The following SETBP1 variants were observed in gnomAD, a reference collection of about 807,000 sequenced individuals.
The protein encoded by SETBP1 is SET-binding protein.
In SETBP1, 9 loss-of-function variants were observed where a neutral mutation model predicts 101.0. The observed-to-expected ratio is 0.09, with a 90% CI of 0.05 to 0.16. SETBP1 has a LOEUF of 0.16. Among genes scored for constraint, SETBP1 ranks in the 10% least tolerant of loss-of-function variants. The probability of loss-of-function intolerance (pLI) is 1.00; values close to 1 mark genes in which losing one functional copy is unlikely to be tolerated. For missense variants in SETBP1, 1,858 were observed against 2,033.8 expected (o/e 0.91, Z 1.66); for synonymous variants, 818 against 788.5 (o/e 1.04, Z -0.63).
At chr18:45,048,163 C>T (rs527269623) in intron 5 of SETBP1, among the ~76,000 whole-genome samples, 6 of 152,308 alleles carry the variant, frequency 3.9e-5, no homozygotes, top group Non-Finnish European at 5.9e-5. Context: ...AGGGTTATTG[C>T]GGTGTCCTCA....
chr18:44,841,973 G>A (rs924646044), intron 2 of SETBP1, among the ~76,000 whole-genome samples: 6 of 152,224 alleles, frequency 3.9e-5, no homozygotes, highest in Non-Finnish European at 5.9e-5. Context: ...GATTTAGTGC[G>A]ACCTCACTTT....
intron 1 of SETBP1, among the ~76,000 whole-genome samples, chr18:44,694,811 A>C (rs1364929658): frequency 2.0e-5 from 3 of 152,238 alleles, no homozygotes; most frequent in Non-Finnish European, 4.4e-5. Context: ...CACTTAAAAC[A>C]AGGTAAAAGG....
At chr18:44,931,438 G>A (rs2070831541) in intron 3 of SETBP1, among the ~76,000 whole-genome samples, 1 of 152,294 alleles carries the variant, frequency 6.6e-6, no homozygotes, top group Admixed American at 6.5e-5. Context: ...GGAGACTTCT[G>A]TACATGTCTA....
chr18:44,951,745 T>C lies in SETBP1; in HGVS notation c.2405T>C (p.Leu802Ser). 6.2e-7 allele frequency: 1 copy of C among 1,614,124 alleles called. No homozygotes were observed. Reference protein sequence around the residue: ...PASTETNFSELKTMPNLQPIS... With the variant: ...PASTETNFSESKTMPNLQPIS... ...AGCACTGAAACCAATTTTTCAGAGT[T>C]GAAAACTATGCCAAATCTCCAGCCC... The change falls in exon 4 of 6, where the codon TTG becomes TCG. Residue 802 changes from leucine (L) to serine (S), a missense_variant. Leu to Ser is a moderately radical substitution (Grantham distance 145). Coordinates refer to ENST00000649279, the MANE Select transcript of SETBP1 (RefSeq NM_015559.3). This position sits in a 1 kb window ranked among gnomAD's most constrained non-coding sequence, Gnocchi z 7.8.
At chr18:44,927,919 G>A (rs1043097587) in intron 3 of SETBP1, among the ~76,000 whole-genome samples, 3 of 152,106 alleles carry the variant, frequency 2.0e-5, no homozygotes, top group African/African-American at 7.2e-5. Flanking sequence ...CTTCCAATGT[G>A]TTCTGTGATG....
intron 2 of SETBP1, among the ~76,000 whole-genome samples, chr18:44,710,631 T>A (rs1039862433): frequency 1.3e-5 from 2 of 152,086 alleles, no homozygotes; most frequent in East Asian, 3.9e-4. Context: ...TTTGTATTTT[T>A]AGTAGAGACG....
intron 2 of SETBP1, among the ~76,000 whole-genome samples, chr18:44,708,322 G>C (rs2069264636): frequency 6.6e-6 from 1 of 152,104 alleles, no homozygotes; most frequent in African/African-American, 2.4e-5. Flanking sequence ...TCAAACTCCT[G>C]GGAGTATGAG....
chr18:44,778,756 G>A (rs542295488), intron 2 of SETBP1, among the ~76,000 whole-genome samples: 11 of 152,334 alleles, frequency 7.2e-5, no homozygotes, highest in African/African-American at 2.6e-4. Context: ...CCTGCGGAAG[G>A]CTTCCATGGA....
At chr18:44,970,862 C>A (rs1390527889) in intron 4 of SETBP1, among the ~76,000 whole-genome samples, 2 of 151,556 alleles carry the variant, frequency 1.3e-5, no homozygotes, top group African/African-American at 2.4e-5. Flanking sequence ...GGCTTGTTTT[C>A]TTTTCTTTTT....
At chr18:44,943,894 G>A (rs1445800333) in intron 3 of SETBP1, among the ~76,000 whole-genome samples, 2 of 150,780 alleles carry the variant, frequency 1.3e-5, no homozygotes, top group East Asian at 2.0e-4. Context: ...CAGTACAGTG[G>A]TACGATCTCA....
At chr18:44,772,168 G>A (rs2070888581) in intron 2 of SETBP1, among the ~76,000 whole-genome samples, 2 of 152,122 alleles carry the variant, frequency 1.3e-5, no homozygotes, top group Non-Finnish European at 2.9e-5. Flanking sequence ...TGTGACCTGG[G>A]CTTTTCCAAA....
Position 44,701,311 on chromosome 18 carries a change from C to T in SETBP1, c.-36C>T, listed in dbSNP as rs886053787. 6.9e-7 allele frequency: 1 copy of T among 1,453,734 alleles called. No homozygotes were observed. Among genetic ancestry groups the T allele is most frequent in the African/African-American group, 1.4e-5 (1 of 69,852 alleles). 90.1% of individuals were successfully genotyped at this position (1,453,734 alleles called of 1,614,324 possible). A position where few individuals can be genotyped will look rare whatever the true frequency, so the allele number is the denominator to read the frequency against. On this transcript the variant is annotated 5_prime_UTR_variant, in exon 2 of 6. Transcript: ENST00000649279. Reference sequence around the variant, plus strand: ...TTTCCCTTTTCCCTTTTCCCCTTCCCCCTCCTGAGAACTCCGGAAGACTGT... The same window carrying T: ...TTTCCCTTTTCCCTTTTCCCCTTCCTCCTCCTGAGAACTCCGGAAGACTGT...
intron 4 of SETBP1, chr18:44,987,261 T>G (rs1272920542): frequency 6.6e-6 from 1 of 152,214 alleles, no homozygotes; most frequent in African/African-American, 2.4e-5. Context: ...TTAAAGCTCC[T>G]TCTCCAGAAG....
chr18:44,904,326 C>T (rs1228588833), intron 3 of SETBP1, among the ~76,000 whole-genome samples: 2 of 152,122 alleles, frequency 1.3e-5, no homozygotes, highest in African/African-American at 4.8e-5. Flanking sequence ...CTATTTGTTG[C>T]TCTATGCCTG....
At chr18:44,995,139 T>A (rs2072462972) in intron 4 of SETBP1, among the ~76,000 whole-genome samples, 1 of 105,744 alleles carries the variant, frequency 9.5e-6, no homozygotes. Flanking sequence ...TATTTACTTT[T>A]TTTTTTTTTT....
At chr18:44,932,434 G>A (rs1568224120) in intron 3 of SETBP1, among the ~76,000 whole-genome samples, 1 of 152,112 alleles carries the variant, frequency 6.6e-6, no homozygotes, top group Admixed American at 6.6e-5. Flanking sequence ...TGCTCTTCTC[G>A]AGGAGGATCT....
intron 3 of SETBP1, among the ~76,000 whole-genome samples, chr18:44,928,670 C>A (rs1202620487): frequency 6.6e-6 from 1 of 152,242 alleles, no homozygotes; most frequent in Non-Finnish European, 1.5e-5. Flanking sequence ...TTGCATTTCT[C>A]TGATGGCCAG....
At chr18:44,764,985 G>A (rs561349948) in intron 2 of SETBP1, among the ~76,000 whole-genome samples, 17 of 152,270 alleles carry the variant, frequency 1.1e-4, no homozygotes, top group Admixed American at 4.6e-4. Flanking sequence ...AATGATTTGT[G>A]AAGTAATCCC....
intron 2 of SETBP1, among the ~76,000 whole-genome samples, chr18:44,727,186 C>CTGTGTG (rs56695366): frequency 0.12 from 17,331 of 145,142 alleles, 1,267 homozygotes; most frequent in Non-Finnish European, 0.17. Context: ...TATTTGATCA[C>CTGTGTG]TGTGTGTGTG....
Sources: gnomAD v4.1 joint callset for allele counts (sites outside exome capture counted in the v4.1 genomes callset) on GRCh38, gnomAD v4.1.1 for gene constraint, Gnocchi (gnomAD v3.1) non-coding constraint, MANE v1.5 for transcripts, NCBI Gene and HGNC (gene_info 2026-07-23, HGNC 2026-07-21) for gene names.